Variants in ZFAT observed in about 807,000 individuals in gnomAD.
ZFAT encodes the protein zinc finger and AT-hook domain containing.
ZFAT carries 64 observed loss-of-function variants against 117.7 expected under a neutral mutation model. The observed-to-expected ratio is 0.54, with a 90% CI of 0.44 to 0.67. The LOEUF (loss-of-function observed/expected upper bound fraction) is 0.67. Ranked by LOEUF, ZFAT falls within the 30% of genes least tolerant of loss-of-function variation. ZFAT has a pLI of 0.00. For synonymous variants in ZFAT, 679 were observed against 615.0 expected (o/e 1.10, Z -1.54); for missense variants, 1,433 against 1,584.5 (o/e 0.90, Z 1.62).
chr8:134,600,818 G>A (rs1434384744), intron 6 of ZFAT, 150 bp from the exon 7 acceptor site: 12 of 664,238 alleles, frequency 1.8e-5, no homozygotes, highest in African/African-American at 3.7e-5. Context: ...ATTTCTGTCT[G>A]AAAATTACTC....
At chr8:134,554,084 T>C (rs1322558712) in intron 11 of ZFAT, among the ~76,000 whole-genome samples, 4 of 152,194 alleles carry the variant, frequency 2.6e-5, no homozygotes, top group Non-Finnish European at 1.5e-5. Flanking sequence ...GAGGACTCTC[T>C]CCTCGTGACT....
intron 11 of ZFAT, among the ~76,000 whole-genome samples, chr8:134,559,615 A>G (rs1476549521): frequency 6.6e-6 from 1 of 152,234 alleles, no homozygotes; most frequent in Non-Finnish European, 1.5e-5. Flanking sequence ...ACTGACCTCC[A>G]CAGGGTCAAA....
At chr8:134,550,555 G>A (rs1395012819) in intron 11 of ZFAT, among the ~76,000 whole-genome samples, 2 of 152,178 alleles carry the variant, frequency 1.3e-5, no homozygotes, top group Non-Finnish European at 2.9e-5. Context: ...ATTGCCTTTT[G>A]TGCAAGCTTA....
intron 1 of ZFAT, among the ~76,000 whole-genome samples, chr8:134,671,102 C>T (rs1418912222): frequency 3.3e-5 from 5 of 152,212 alleles, no homozygotes; most frequent in South Asian, 4.1e-4. Flanking sequence ...GAAATTGAGG[C>T]AATAATTAAT....
At chr8:134,644,316 T>G (rs1830750118) in intron 2 of ZFAT, among the ~76,000 whole-genome samples, 1 of 151,730 alleles carries the variant, frequency 6.6e-6, no homozygotes, top group Admixed American at 6.6e-5. Flanking sequence ...CTGCAGAGGG[T>G]CTGAAATCAG....
chr8:134,683,029 A>G (rs1002387340), intron 1 of ZFAT, among the ~76,000 whole-genome samples: 1 of 152,222 alleles, frequency 6.6e-6, no homozygotes, highest in Non-Finnish European at 1.5e-5. Context: ...TTAAGACACT[A>G]GCACCCCCTG....
the ZFAT span, among the ~76,000 whole-genome samples, chr8:134,774,089 G>A: frequency 2.9e-5 from 4 of 138,208 alleles, no homozygotes; most frequent in Non-Finnish European, 6.1e-5. Flanking sequence ...TCTGCTTCCC[G>A]GGTTGAAGCT....
the ZFAT span, among the ~76,000 whole-genome samples, chr8:134,757,452 C>T: frequency 4.6e-5 from 7 of 152,208 alleles, no homozygotes; most frequent in Non-Finnish European, 7.3e-5. Context: ...AGGAAGCACA[C>T]TCTAAAATGG....
the ZFAT span, among the ~76,000 whole-genome samples, chr8:134,720,445 G>T: frequency 1.3e-5 from 2 of 152,314 alleles, no homozygotes; most frequent in African/African-American, 4.8e-5. Flanking sequence ...AGCAAAAGGG[G>T]AATGAGATAA....
At chr8:134,748,777 A>C in the ZFAT span, among the ~76,000 whole-genome samples, 1 of 152,140 alleles carries the variant, frequency 6.6e-6, no homozygotes, top group Non-Finnish European at 1.5e-5. Flanking sequence ...TAGTTGTATT[A>C]TGTTATAATT....
At chr8:134,746,594 C>G in the ZFAT span, among the ~76,000 whole-genome samples, 2 of 152,048 alleles carry the variant, frequency 1.3e-5, no homozygotes, top group Non-Finnish European at 2.9e-5. Flanking sequence ...TTTTTTTTAA[C>G]CTAGTTTTCA....
At chr8:134,479,911 A>G (rs967147613) in intron 15 of ZFAT, among the ~76,000 whole-genome samples, 4 of 152,012 alleles carry the variant, frequency 2.6e-5, no homozygotes, top group South Asian at 2.1e-4. Flanking sequence ...TGGGTGCTCA[A>G]TAACAGTACT....
chr8:134,712,765 C>G (rs1296647611), intron 1 of ZFAT, 80 bp downstream of exon 1: 4 of 1,396,866 alleles, frequency 2.9e-6, no homozygotes, highest in South Asian at 1.3e-5. Flanking sequence ...CTTCCCGACT[C>G]GACGCTCGAA....
chr8:134,639,571 C>G (rs983595486), intron 2 of ZFAT, among the ~76,000 whole-genome samples: 5 of 152,140 alleles, frequency 3.3e-5, no homozygotes, highest in African/African-American at 7.2e-5. Flanking sequence ...GAGAAAAAAG[C>G]CTGTGTTTAC....
rs114334631 is a variant in ZFAT at position 134,641,389 on chromosome 8, A to G, written c.197-3677T>C. The stretch of plus-strand genomic sequence containing the variant: ...TGTACTATTCTCCCAAGCTGTGACC[A>G]CCTCCTTCACTACCAATCAGAGACC... On this transcript the variant is annotated intron_variant, in intron 2 of 15. Transcript: ENST00000377838. Among the ~76,000 whole-genome samples the G allele has an allele frequency of 8.1e-3, 1,234 of 152,012 alleles. 12 individuals carry two copies. The highest frequency in any genetic ancestry group is 0.029 in the African/African-American group (1,182 of 41,448).
chr8:134,661,580 A>G (rs1366570607), intron 1 of ZFAT, among the ~76,000 whole-genome samples: 2 of 152,198 alleles, frequency 1.3e-5, no homozygotes, highest in African/African-American at 2.4e-5. Context: ...GCAAGTGGCC[A>G]TGGCGGAATG....
intron 1 of ZFAT, 35 bp downstream of exon 1, chr8:134,712,810 C>CCCCCGGGGGA: frequency 9.8e-7 from 1 of 1,024,536 alleles, no homozygotes; most frequent in Non-Finnish European, 1.4e-6. Flanking sequence ...GCCCCACCCC[C>CCCCCGGGGGA]ACCCCGTCTC....
At chr8:134,821,825 A>T in the ZFAT span, among the ~76,000 whole-genome samples, 1 of 152,082 alleles carries the variant, frequency 6.6e-6, no homozygotes, top group East Asian at 1.9e-4. Context: ...AATCTAACTC[A>T]CTCCTCTGTG....
upstream of ZFAT, among the ~76,000 whole-genome samples, chr8:134,714,482 G>A (rs191476019): frequency 1.3e-4 from 20 of 152,164 alleles, no homozygotes; most frequent in Middle Eastern, 3.4e-3. Flanking sequence ...TTTTTTAGGA[G>A]GAAAACTCCC....
Sources: allele counts gnomAD v4.1 joint callset (sites outside exome capture counted in the v4.1 genomes callset), GRCh38; gene constraint gnomAD v4.1.1; transcripts MANE v1.5; gene names NCBI Gene and HGNC (gene_info 2026-07-23, HGNC 2026-07-21).